TRIOBP: variants seen among roughly 807,000 people sequenced by gnomAD.
TRIOBP encodes TRIO and F-actin-binding protein.
A neutral mutation model predicts 238.8 loss-of-function variants in TRIOBP; 169 were observed. The ratio of observed to expected loss-of-function variants is 0.71; its 90% CI spans 0.62 to 0.80. The LOEUF is 0.80. Among genes scored for constraint, TRIOBP ranks in the 30% least tolerant of loss-of-function variants. The pLI, the probability that TRIOBP is intolerant of heterozygous loss-of-function variation, is 0.00. For missense variants in TRIOBP, 2,838 were observed against 3,122.6 expected (o/e 0.91, Z 2.17); for synonymous variants, 1,150 against 1,274.4 (o/e 0.90, Z 2.08).
chr22:37,759,356 G>A (rs1030199924), intron 17 of TRIOBP, 92 bp downstream of exon 17: 2 of 1,375,242 alleles, frequency 1.5e-6, no homozygotes, highest in African/African-American at 1.4e-5. Context: ...AGCCCTTCCT[G>A]TGTGTGCTGG....
At chr22:37,708,977 T>C (rs1923093570) in intron 3 of TRIOBP, among the ~76,000 whole-genome samples, 1 of 152,174 alleles carries the variant, frequency 6.6e-6, no homozygotes, top group Admixed American at 6.5e-5. Flanking sequence ...AGACCCCTGG[T>C]TGATGCCTGG....
At chr22:37,753,002 C>T (rs1925703931) in intron 12 of TRIOBP, among the ~76,000 whole-genome samples, 1 of 152,236 alleles carries the variant, frequency 6.6e-6, no homozygotes. Context: ...CCATCTCAGA[C>T]AGTCATAGGC....
chr22:37,727,593 G>C (rs1924236661), intron 7 of TRIOBP, among the ~76,000 whole-genome samples: 1 of 152,116 alleles, frequency 6.6e-6, no homozygotes, highest in Non-Finnish European at 1.5e-5. Flanking sequence ...GCTTGAACCT[G>C]GGAGGCGGAG....
intron 3 of TRIOBP, among the ~76,000 whole-genome samples, chr22:37,708,723 C>T (rs1923082746): frequency 6.6e-6 from 1 of 152,312 alleles, no homozygotes; most frequent in African/African-American, 2.4e-5. Flanking sequence ...GAGGAGAAAA[C>T]AATGCTCCGA....
At chr22:37,736,451 C>T (rs1439129458) in intron 9 of TRIOBP, among the ~76,000 whole-genome samples, 1 of 152,128 alleles carries the variant, frequency 6.6e-6, no homozygotes, top group East Asian at 1.9e-4. Context: ...GGGTGCACCC[C>T]GTGCTGGGCC....
At chr22:37,714,439 T>C (rs1283363578) in intron 5 of TRIOBP, among the ~76,000 whole-genome samples, 2 of 152,094 alleles carry the variant, frequency 1.3e-5, no homozygotes, top group African/African-American at 4.8e-5. Context: ...GAGGCCAAGG[T>C]GGGCGGATCA....
Position 37,773,955 on chromosome 22 carries a change from C to T in TRIOBP, c.*175C>T, listed in dbSNP as rs61448175. ...ACACACACAGACACACAGACACATA[C>T]GCACACACGTGCACACATGTACACA... On this transcript the variant is annotated 3_prime_UTR_variant, in exon 24 of 24. Transcript: ENST00000644935. 0.14 allele frequency: 20,283 copies of T among 144,968 alleles called. 3,545 individuals carry two copies. Among genetic ancestry groups the T allele is most frequent in the African/African-American group, 0.42 (16,439 of 39,380 alleles). The allele number at this position is 144,968 out of a possible 1,614,324, so 9.0% of individuals were successfully genotyped here. A position where few individuals can be genotyped will look rare whatever the true frequency, so the allele number is the denominator to read the frequency against.
chr22:37,745,662 T>C (rs1925185777), intron 11 of TRIOBP, among the ~76,000 whole-genome samples: 1 of 152,234 alleles, frequency 6.6e-6, no homozygotes, highest in Non-Finnish European at 1.5e-5. Context: ...TCTTCCTGTG[T>C]GACCTCGGGC....
chr22:37,769,003 C>G lies in TRIOBP; in HGVS notation c.6576-25C>G, dbSNP rs753139958. 2.1e-5 allele frequency: 34 copies of G among 1,612,928 alleles called. No homozygotes were observed. The East Asian group carries it at 5.3e-4, about 25-fold the overall frequency. Reference sequence around the variant, plus strand: ...TGGCAGGAGCAAGACAACCTATGCTCTCCTCTGCTCCTCCTCTGGGGCAGG... The same window carrying G: ...TGGCAGGAGCAAGACAACCTATGCTGTCCTCTGCTCCTCCTCTGGGGCAGG... On this transcript the variant is annotated intron_variant, in intron 19 of 23. Coordinates refer to ENST00000644935, the MANE Select transcript of TRIOBP (RefSeq NM_001039141.3).
At chr22:37,727,622 C>A (rs1365802963) in intron 7 of TRIOBP, among the ~76,000 whole-genome samples, 2 of 151,776 alleles carry the variant, frequency 1.3e-5, no homozygotes, top group Admixed American at 6.6e-5. Flanking sequence ...GAGCCGAGAT[C>A]GTACCACTGC....
chr22:37,726,229 C>A lies in TRIOBP; in HGVS notation c.3673C>A (p.Arg1225=). The A allele has an allele frequency of 6.2e-7, 1 of 1,605,600 alleles. No homozygotes were observed. The highest frequency in any genetic ancestry group is 2.3e-5 in the East Asian group (1 of 44,358). ...GTGCATCGGGCACCGGGATGCACCC[C>A]GAGCCTCCTCCCCACCCCGCCACCC... ...QVCIGHRDAP[R]ASSPPRHPPS... Residue 1225 remains arginine (R), a synonymous_variant, in exon 7 of 24, where the codon CGA becomes AGA. Coordinates refer to ENST00000644935, the MANE Select transcript of TRIOBP (RefSeq NM_001039141.3).
At chr22:37,702,634 C>CTTTTTTTTTTTTTTTTT (rs34625454) in intron 3 of TRIOBP, among the ~76,000 whole-genome samples, 6 of 81,198 alleles carry the variant, frequency 7.4e-5, no homozygotes, top group African/African-American at 2.5e-4. Context: ...TTCTCTCTCT[C>CTTTTTTTTTTTTTTTTT]TTTTTTTTTT....
intron 2 of TRIOBP, among the ~76,000 whole-genome samples, chr22:37,697,986 T>C (rs984156150): frequency 6.6e-6 from 1 of 150,778 alleles, no homozygotes; most frequent in African/African-American, 2.4e-5. Context: ...GATCACAAGG[T>C]CAGGAGTTCG....
At chr22:37,715,684 G>A (rs2145824209) in intron 5 of TRIOBP, 79 bp from the exon 6 acceptor site, 2 of 1,511,530 alleles carry the variant, frequency 1.3e-6, no homozygotes, top group Non-Finnish European at 1.8e-6. Context: ...CCTTCCTTCT[G>A]CCCCTCTCAT....
intron 6 of TRIOBP, among the ~76,000 whole-genome samples, chr22:37,722,452 C>A (rs2145831341): frequency 7.4e-6 from 1 of 134,350 alleles, no homozygotes. Context: ...AAAGGTCGGG[C>A]ATGGTGGCTC....
chr22:37,740,698 G>A (rs529549470), intron 10 of TRIOBP, among the ~76,000 whole-genome samples, 197 bp from the exon 11 acceptor site: 2 of 152,350 alleles, frequency 1.3e-5, no homozygotes, highest in South Asian at 2.1e-4. Context: ...GCTGAGCCCT[G>A]GGAGCCTTGT....
At chr22:37,710,278 G>A in intron 3 of TRIOBP, 149 bp from the exon 4 acceptor site, 1 of 1,221,052 alleles carries the variant, frequency 8.2e-7, no homozygotes, top group South Asian at 1.3e-5. Context: ...CCCAAGGGGT[G>A]CTTCTAGCCT....
At chr22:37,740,285 T>C (rs1924870752) in intron 10 of TRIOBP, among the ~76,000 whole-genome samples, 1 of 152,228 alleles carries the variant, frequency 6.6e-6, no homozygotes, top group South Asian at 2.1e-4. Flanking sequence ...GGGGCCTTGG[T>C]TTCCCCAACG....
intron 2 of TRIOBP, among the ~76,000 whole-genome samples, chr22:37,700,750 G>A (rs1026280410): frequency 2.0e-5 from 3 of 152,148 alleles, no homozygotes; most frequent in African/African-American, 4.8e-5. Context: ...GGAGTGCAAT[G>A]GCGCAATCTT....
Sources: gnomAD v4.1 joint callset for allele counts (sites outside exome capture counted in the v4.1 genomes callset) on GRCh38, gnomAD v4.1.1 for gene constraint, MANE v1.5 for transcripts, NCBI Gene and HGNC (gene_info 2026-07-23, HGNC 2026-07-21) for gene names.